CTNNA3: variants seen among roughly 807,000 people sequenced by gnomAD.
CTNNA3 encodes the protein catenin alpha-3.
CTNNA3 carries 76 observed loss-of-function variants against 95.7 expected under a neutral mutation model. The observed-to-expected ratio is 0.79, with a 90% CI of 0.66 to 0.96. The LOEUF is 0.96. CTNNA3 is among the 40% of genes least tolerant of loss of function. The pLI, the probability that CTNNA3 is intolerant of heterozygous loss-of-function variation, is 0.00. For missense variants in CTNNA3, 1,191 were observed against 1,089.8 expected, an observed-to-expected ratio of 1.09 and a Z score of -1.31; for synonymous variants, 431 against 374.4, an observed-to-expected ratio of 1.15 and a Z score of -1.74.
chr10:67,308,606 A>C (rs574524795), intron 5 of CTNNA3, among the ~76,000 whole-genome samples: 2 of 152,292 alleles, frequency 1.3e-5, no homozygotes, highest in Admixed American at 1.3e-4. Flanking sequence ...CCTAAATGTT[A>C]AGTGGTATAT....
intron 10 of CTNNA3, among the ~76,000 whole-genome samples, chr10:66,545,635 G>A (rs188937593): frequency 1.0e-3 from 153 of 152,116 alleles, no homozygotes; most frequent in African/African-American, 3.4e-3. Flanking sequence ...TGTCCATACT[G>A]ATGTAGTCTC....
Position 66,572,381 on chromosome 10 carries a change from T to TA in CTNNA3, c.1374+49310dup, listed in dbSNP as rs5785764. ...CTGGTTGACAGAGGAGACTCTGTCTTAAAAAAAAAAAAAAATCTGAATATG... is the reference window on the plus strand; with the variant it reads ...CTGGTTGACAGAGGAGACTCTGTCTTAAAAAAAAAAAAAAAATCTGAATATG... On this transcript the variant is annotated intron_variant, in intron 10 of 17. Transcript: ENST00000433211. Among the ~76,000 whole-genome samples, 434 of 146,286 alleles carry TA rather than the reference T, an allele frequency of 3.0e-3. 8 individuals carry two copies. Among genetic ancestry groups the TA allele is most frequent in the East Asian group, 0.012 (60 of 4,910 alleles).
intron 10 of CTNNA3, among the ~76,000 whole-genome samples, chr10:66,569,333 A>G (rs1842800530): frequency 6.6e-6 from 1 of 152,324 alleles, no homozygotes; most frequent in South Asian, 2.1e-4. Flanking sequence ...ATCAAGGTTA[A>G]TAAGAGATAA....
At chr10:65,962,484 C>A (rs1469797230) in intron 17 of CTNNA3, among the ~76,000 whole-genome samples, 1 of 152,092 alleles carries the variant, frequency 6.6e-6, no homozygotes, top group Middle Eastern at 3.2e-3. Context: ...AGAATTGTTC[C>A]TTGTATAGAT....
At chr10:66,571,305 T>C (rs1377933937) in intron 10 of CTNNA3, among the ~76,000 whole-genome samples, 1 of 152,218 alleles carries the variant, frequency 6.6e-6, no homozygotes, top group East Asian at 1.9e-4. Flanking sequence ...CCTGAATTGG[T>C]TATCGCATTC....
In CTNNA3 at chr10:67,566,043, G is replaced by GTATATATA. The variant is rs772272609; in HGVS notation, c.293-26382_293-26375dup. On this transcript the variant is annotated intron_variant, in intron 3 of 17. Coordinates refer to ENST00000433211, the MANE Select transcript of CTNNA3 (RefSeq NM_013266.4). ...CACACACACACACATATGTGTGTGT[G>GTATATATA]TATATATATATATATATATATATAT... 7.8e-3 allele frequency among the ~76,000 whole-genome samples: 210 copies of GTATATATA among 26,870 alleles called. 29 individuals carry two copies. The highest frequency in any genetic ancestry group is 0.011 in the South Asian group (5 of 466). 17.6% of individuals were successfully genotyped at this position (26,870 alleles called of 152,430 possible). A position where few individuals can be genotyped will look rare whatever the true frequency, so the allele number is the denominator to read the frequency against.
intron 12 of CTNNA3, among the ~76,000 whole-genome samples, chr10:66,283,836 G>C (rs2091536007): frequency 6.6e-6 from 1 of 151,756 alleles, no homozygotes; most frequent in Non-Finnish European, 1.5e-5. Flanking sequence ...TTTTTTTAAT[G>C]CTTTCAAGAA....
chr10:67,668,570 G>T (rs1840371601), intron 1 of CTNNA3, among the ~76,000 whole-genome samples: 1 of 152,154 alleles, frequency 6.6e-6, no homozygotes, highest in African/African-American at 2.4e-5. Flanking sequence ...CAGTCCATTT[G>T]AAAATCTAGA....
chr10:67,150,698 T>C (rs1200415038), intron 7 of CTNNA3, among the ~76,000 whole-genome samples: 1 of 152,136 alleles, frequency 6.6e-6, no homozygotes, highest in Non-Finnish European at 1.5e-5. Context: ...AATACAAAAC[T>C]TGTGAGAGTT....
At chr10:66,333,584 G>T (rs1429756737) in intron 12 of CTNNA3, among the ~76,000 whole-genome samples, 3 of 152,058 alleles carry the variant, frequency 2.0e-5, no homozygotes, top group Admixed American at 6.6e-5. Flanking sequence ...TTGCACTGTG[G>T]TCTGAGAGAC....
chr10:66,908,370 C>T (rs546497982), intron 7 of CTNNA3, among the ~76,000 whole-genome samples: 6 of 152,318 alleles, frequency 3.9e-5, no homozygotes, highest in Non-Finnish European at 8.8e-5. Flanking sequence ...ACAACAGGCT[C>T]ACATTTCTTT....
chr10:67,747,284 C>G (rs952611840), intron 1 of CTNNA3, among the ~76,000 whole-genome samples: 1 of 152,176 alleles, frequency 6.6e-6, no homozygotes, highest in Non-Finnish European at 1.5e-5. Flanking sequence ...GGGCAGCCAG[C>G]GTGCTTTATT....
intron 5 of CTNNA3, among the ~76,000 whole-genome samples, chr10:67,500,895 T>A (rs1165797035): frequency 1.3e-5 from 2 of 152,214 alleles, no homozygotes; most frequent in Non-Finnish European, 2.9e-5. Context: ...TACAGCACAC[T>A]GATGGGTCTT....
chr10:66,010,958 T>A (rs1293756744), intron 15 of CTNNA3, among the ~76,000 whole-genome samples: 2 of 152,210 alleles, frequency 1.3e-5, no homozygotes, highest in East Asian at 3.9e-4. Context: ...ATGTTCTTGC[T>A]GCGGTTTCTA....
At chr10:67,365,354 CA>C (rs745334984) in intron 5 of CTNNA3, among the ~76,000 whole-genome samples, 1 of 152,110 alleles carries the variant, frequency 6.6e-6, no homozygotes, top group Non-Finnish European at 1.5e-5. Context: ...GCAATGACAA[CA>C]AAAGCCAAAA....
intron 3 of CTNNA3, among the ~76,000 whole-genome samples, chr10:67,569,023 G>A (rs1841901552): frequency 6.6e-6 from 1 of 152,112 alleles, no homozygotes; most frequent in Non-Finnish European, 1.5e-5. Flanking sequence ...AGAGAATGAT[G>A]AACTCTTGTT....
At position 66,636,675 on chromosome 10, in the gene CTNNA3, C is replaced by T. The variant is rs1014004093; in HGVS notation, c.1282-14891G>A. On this transcript the variant is annotated intron_variant, in intron 9 of 17. Coordinates refer to ENST00000433211, the MANE Select transcript of CTNNA3 (RefSeq NM_013266.4). ...AACATTGCAAATAAAATATTTTTCA[C>T]GTTGTCTTCTCTATACTTATTTATG... Among the ~76,000 whole-genome samples the T allele has an allele frequency of 8.7e-4, 132 of 152,176 alleles. 1 individual carries two copies. The highest frequency in any genetic ancestry group is 2.8e-3 in the African/African-American group (117 of 41,544).
chr10:67,711,970 G>C (rs1408807963), intron 1 of CTNNA3, among the ~76,000 whole-genome samples: 1 of 152,100 alleles, frequency 6.6e-6, no homozygotes, highest in African/African-American at 2.4e-5. Flanking sequence ...GTGGAAGTCA[G>C]TGTGGAGATT....
intron 9 of CTNNA3, among the ~76,000 whole-genome samples, chr10:66,687,437 AT>A (rs1258005890): frequency 6.6e-6 from 1 of 152,072 alleles, no homozygotes; most frequent in African/African-American, 2.4e-5. Context: ...TGTAAATAAT[AT>A]TTTCCCCTAT....
Sources: gnomAD v4.1 joint callset for allele counts (sites outside exome capture counted in the v4.1 genomes callset) on GRCh38, gnomAD v4.1.1 for gene constraint, MANE v1.5 for transcripts, NCBI Gene and HGNC (gene_info 2026-07-23, HGNC 2026-07-21) for gene names.